The following EEIG1 variants were observed in gnomAD, a reference collection of about 807,000 sequenced individuals.
EEIG1 encodes the protein estrogen-induced osteoclastogenesis regulator 1.
the EEIG1 span, among the ~76,000 whole-genome samples, chr9:127,976,394 G>C: frequency 3.9e-3 from 592 of 152,348 alleles, 4 homozygotes; most frequent in African/African-American, 0.014. The surrounding 1 kb of genome is among the most constrained non-coding windows in gnomAD (Gnocchi z 4.1). Flanking sequence ...CAAGCCCCTA[G>C]CATACAGAAT....
chr9:127,946,621 G>A, the EEIG1 span, among the ~76,000 whole-genome samples: 1 of 152,242 alleles, frequency 6.6e-6, no homozygotes, highest in Non-Finnish European at 1.5e-5. Flanking sequence ...CACCACCTGC[G>A]CTGGGGTGGC....
the EEIG1 span, among the ~76,000 whole-genome samples, chr9:127,965,218 C>T: frequency 6.6e-6 from 1 of 150,582 alleles, no homozygotes; most frequent in African/African-American, 2.4e-5. Flanking sequence ...GAACCACAGA[C>T]TCCGCAGGAC....
At chr9:127,969,977 T>C in the EEIG1 span, among the ~76,000 whole-genome samples, 1 of 152,042 alleles carries the variant, frequency 6.6e-6, no homozygotes, top group Non-Finnish European at 1.5e-5. Flanking sequence ...AGAGAGAACA[T>C]ACCCATGAAA....
the EEIG1 span, chr9:127,944,242 T>A: frequency 8.9e-6 from 3 of 337,886 alleles, no homozygotes; most frequent in Non-Finnish European, 1.7e-5. Flanking sequence ...AGTAAACCCA[T>A]GAGGCATCAC....
At chr9:127,952,595 C>T in the EEIG1 span, among the ~76,000 whole-genome samples, 1 of 152,248 alleles carries the variant, frequency 6.6e-6, no homozygotes, top group Non-Finnish European at 1.5e-5. Context: ...CTGGCTGAGT[C>T]AACCATCGCC....
At chr9:127,980,256 G>A in the EEIG1 span, 1 of 1,131,538 alleles carries the variant, frequency 8.8e-7, no homozygotes, top group African/African-American at 1.6e-5. Context: ...CCCTGATGGT[G>A]GCGGAGACGG....
chr9:127,956,176 CTTATTCATTCATTCAT>C, the EEIG1 span, among the ~76,000 whole-genome samples: 2 of 152,202 alleles, frequency 1.3e-5, no homozygotes, highest in Non-Finnish European at 2.9e-5. Flanking sequence ...GCTGGCTCCA[CTTATTCATTCATTCAT>C]CATCAAACAA....
chr9:127,948,889 C>CT, the EEIG1 span, among the ~76,000 whole-genome samples: 6 of 152,326 alleles, frequency 3.9e-5, no homozygotes, highest in African/African-American at 1.4e-4. Flanking sequence ...CCATTGCAAA[C>CT]TAACAACAGC....
At chr9:127,942,846 C>T in the EEIG1 span, 1 of 360,048 alleles carries the variant, frequency 2.8e-6, no homozygotes. Flanking sequence ...GGAGCCGCTG[C>T]ATGTCCTCAG....
the EEIG1 span, chr9:127,950,617 G>C: frequency 6.4e-7 from 1 of 1,566,430 alleles, no homozygotes. Flanking sequence ...AGGGTAACTT[G>C]GCAAAAGTTG....
At chr9:127,948,744 C>A in the EEIG1 span, among the ~76,000 whole-genome samples, 1 of 152,218 alleles carries the variant, frequency 6.6e-6, no homozygotes, top group Non-Finnish European at 1.5e-5. Context: ...CATGGTGAAG[C>A]CACACACTCA....
the EEIG1 span, among the ~76,000 whole-genome samples, chr9:127,969,095 C>A: frequency 6.6e-6 from 1 of 152,228 alleles, no homozygotes; most frequent in Admixed American, 6.5e-5. Flanking sequence ...GGGGCTGCTA[C>A]ACCCCAAGGT....
At chr9:127,940,970 C>T in the EEIG1 span, 1 of 152,190 alleles carries the variant, frequency 6.6e-6, no homozygotes, top group East Asian at 1.9e-4. Flanking sequence ...TAGACCAACT[C>T]CTTTCCAAAA....
chr9:127,980,673 C>G, the EEIG1 span, among the ~76,000 whole-genome samples: 1 of 150,260 alleles, frequency 6.7e-6, no homozygotes, highest in African/African-American at 2.4e-5. Flanking sequence ...GCAGGTGAAG[C>G]CGGGGAAGGT....
chr9:127,953,709 A>G, the EEIG1 span: 30 of 1,604,996 alleles, frequency 1.9e-5, no homozygotes, highest in Non-Finnish European at 2.4e-5. Flanking sequence ...GGCAACGGGC[A>G]GAGCAACTCA....
chr9:127,967,430 A>G, the EEIG1 span, among the ~76,000 whole-genome samples: 1 of 152,220 alleles, frequency 6.6e-6, no homozygotes, highest in Non-Finnish European at 1.5e-5. Flanking sequence ...CCCAAGGTCT[A>G]CTGGCCGGGA....
the EEIG1 span, chr9:127,941,622 C>T: frequency 6.6e-6 from 1 of 152,186 alleles, no homozygotes; most frequent in Non-Finnish European, 1.5e-5. Flanking sequence ...CAGGGAGTTC[C>T]AAGACCAAGA....
At chr9:127,941,470 G>A in the EEIG1 span, 1 of 152,606 alleles carries the variant, frequency 6.6e-6, no homozygotes, top group Non-Finnish European at 1.5e-5. Context: ...GGGGCAGGAA[G>A]GGACTCTCAG....
the EEIG1 span, among the ~76,000 whole-genome samples, chr9:127,973,932 C>A: frequency 6.6e-6 from 1 of 152,184 alleles, no homozygotes; most frequent in Non-Finnish European, 1.5e-5. The surrounding 1 kb of genome is among the most constrained non-coding windows in gnomAD (Gnocchi z 4.2). Context: ...AGCTGTAAAG[C>A]CCCTTGAGCC....
Sources: gnomAD v4.1 joint callset for allele counts (sites outside exome capture counted in the v4.1 genomes callset) on GRCh38, gnomAD v4.1.1 for gene constraint, Gnocchi (gnomAD v3.1) non-coding constraint, MANE v1.5 for transcripts, NCBI Gene and HGNC (gene_info 2026-07-23, HGNC 2026-07-21) for gene names.